MSI2: variants seen among roughly 807,000 people sequenced by gnomAD.
The protein encoded by MSI2 is musashi RNA binding protein 2.
MSI2 carries 17 observed loss-of-function variants against 45.6 expected under a neutral mutation model. That is an observed-to-expected ratio of 0.37 (90% CI 0.26 to 0.56). The LOEUF (loss-of-function observed/expected upper bound fraction) is 0.56. MSI2 is among the 20% of genes least tolerant of loss of function. The probability of loss-of-function intolerance (pLI) is 0.77; values close to 1 mark genes in which losing one functional copy is unlikely to be tolerated. For missense variants in MSI2, 293 were observed against 444.2 expected (o/e 0.66, Z 3.06); for synonymous variants, 156 against 158.2 (o/e 0.99, Z 0.11).
chr17:57,348,960 T>C (rs189384299), intron 5 of MSI2, among the ~76,000 whole-genome samples: 532 of 152,336 alleles, frequency 3.5e-3, no homozygotes, highest in African/African-American at 0.012. Context: ...TGTCCAAGCC[T>C]TTTATCTCAA....
At chr17:57,513,180 G>A (rs956371671) in intron 6 of MSI2, among the ~76,000 whole-genome samples, 2 of 152,038 alleles carry the variant, frequency 1.3e-5, no homozygotes, top group Admixed American at 1.3e-4. Context: ...CACCGTGTTG[G>A]TTAGGCTGGT....
At chr17:57,319,146 C>A (rs1348263347) in intron 5 of MSI2, among the ~76,000 whole-genome samples, 1 of 152,218 alleles carries the variant, frequency 6.6e-6, no homozygotes, top group Non-Finnish European at 1.5e-5. Context: ...CGGGCTGAGA[C>A]AATTGCTTAG....
At chr17:57,275,386 G>T (rs746688669) in intron 5 of MSI2, among the ~76,000 whole-genome samples, 9 of 152,204 alleles carry the variant, frequency 5.9e-5, no homozygotes, top group Non-Finnish European at 1.0e-4. Context: ...TTGGGATTGA[G>T]GGCAAGGGTT....
At chr17:57,687,843 A>G (rs578115997), downstream of MSI2, among the ~76,000 whole-genome samples, 4 of 152,242 alleles carry the variant, frequency 2.6e-5, no homozygotes, top group South Asian at 2.1e-4. Context: ...GAATTCTACA[A>G]TATATCAAGA....
At chr17:57,398,906 A>G (rs538718595) in intron 5 of MSI2, among the ~76,000 whole-genome samples, 2 of 151,316 alleles carry the variant, frequency 1.3e-5, no homozygotes, top group East Asian at 1.9e-4. Context: ...TAATCATTAT[A>G]TCTTCATTTT....
At chr17:57,325,292 G>A (rs562884859) in intron 5 of MSI2, among the ~76,000 whole-genome samples, 5 of 152,172 alleles carry the variant, frequency 3.3e-5, no homozygotes, top group Admixed American at 6.5e-5. Flanking sequence ...ATGGACATTA[G>A]ATGCTCAAAA....
At chr17:57,602,956 T>C (rs1906073557) in intron 8 of MSI2, among the ~76,000 whole-genome samples, 1 of 152,224 alleles carries the variant, frequency 6.6e-6, no homozygotes, top group African/African-American at 2.4e-5. Flanking sequence ...CAAGGGCCAC[T>C]GCTAATGACA....
chr17:57,320,128 T>C (rs1913206069), intron 5 of MSI2, among the ~76,000 whole-genome samples: 1 of 152,204 alleles, frequency 6.6e-6, no homozygotes, highest in African/African-American at 2.4e-5. Flanking sequence ...TTCTGGACAC[T>C]TGCTGCTGAA....
intron 5 of MSI2, chr17:57,285,949 T>C: frequency 6.5e-7 from 1 of 1,534,854 alleles, no homozygotes; most frequent in African/African-American, 1.4e-5. Flanking sequence ...AGTATCTTTT[T>C]ATTCAACATG....
intron 10 of MSI2, among the ~76,000 whole-genome samples, chr17:57,649,297 A>G (rs1320385973): frequency 1.3e-5 from 2 of 151,894 alleles, no homozygotes; most frequent in African/African-American, 4.8e-5. Flanking sequence ...CTCAACAAAC[A>G]CAACACACAC....
intron 6 of MSI2, among the ~76,000 whole-genome samples, chr17:57,451,272 A>T (rs1219574773): frequency 6.6e-6 from 1 of 151,988 alleles, no homozygotes; most frequent in African/African-American, 2.4e-5. Context: ...TTGTGTGACG[A>T]TGTGGGTGCG....
At chr17:57,614,050 TTTA>T (rs1355705283) in intron 8 of MSI2, among the ~76,000 whole-genome samples, 1 of 152,050 alleles carries the variant, frequency 6.6e-6, no homozygotes, top group Non-Finnish European at 1.5e-5. Context: ...TTTCGTTTTA[TTTA>T]TTTTTTTTAT....
Position 57,280,423 on chromosome 17 carries a change from G to A in MSI2, c.312+18231G>A. On this transcript the variant is annotated intron_variant, in intron 5 of 13. Transcript: ENST00000284073. The surrounding 1 kb of genome is among the most constrained non-coding windows in gnomAD (Gnocchi z 4.2). ...TGGCTGCTTAGCTGAGTTCTTGGAG[G>A]TAGTGATGGAGACCAGTGGATGGAT... Among the ~76,000 whole-genome samples, 1 of 152,224 alleles carries A rather than the reference G, an allele frequency of 6.6e-6. No homozygotes were observed. The highest frequency in any genetic ancestry group is 1.5e-5 in the Non-Finnish European group (1 of 68,044).
At chr17:57,547,591 G>A (rs1040599358) in intron 7 of MSI2, among the ~76,000 whole-genome samples, 1 of 152,086 alleles carries the variant, frequency 6.6e-6, no homozygotes, top group Non-Finnish European at 1.5e-5. Flanking sequence ...TAGGTTCTTG[G>A]GTTGAGCTCT....
chr17:57,356,166 T>C (rs1156862401), intron 5 of MSI2, among the ~76,000 whole-genome samples: 1 of 152,218 alleles, frequency 6.6e-6, no homozygotes, highest in South Asian at 2.1e-4. Flanking sequence ...TGAGCCACCG[T>C]GCCTGGCCAG....
intron 11 of MSI2, among the ~76,000 whole-genome samples, chr17:57,668,883 T>C (rs559854617): frequency 6.6e-6 from 1 of 152,330 alleles, no homozygotes; most frequent in East Asian, 1.9e-4. Flanking sequence ...TGATTGTCCC[T>C]GCATCTGGGT....
chr17:57,588,710 C>G (rs1904544210), intron 7 of MSI2, among the ~76,000 whole-genome samples: 1 of 152,222 alleles, frequency 6.6e-6, no homozygotes. Context: ...TGCCCTCTGT[C>G]TGCCGGATTG....
chr17:57,487,301 G>A (rs1347696972), intron 6 of MSI2, among the ~76,000 whole-genome samples: 1 of 152,216 alleles, frequency 6.6e-6, no homozygotes, highest in Non-Finnish European at 1.5e-5. Flanking sequence ...TGAGTGGCCT[G>A]TTCAGATTCT....
chr17:57,421,156 A>G (rs987007751), intron 6 of MSI2, among the ~76,000 whole-genome samples: 3 of 151,662 alleles, frequency 2.0e-5, no homozygotes, highest in Non-Finnish European at 4.4e-5. Flanking sequence ...ACTTTTTATG[A>G]TGTCGGTGGA....
Sources: gnomAD v4.1 joint callset for allele counts (sites outside exome capture counted in the v4.1 genomes callset) on GRCh38, gnomAD v4.1.1 for gene constraint, Gnocchi (gnomAD v3.1) non-coding constraint, MANE v1.5 for transcripts, NCBI Gene and HGNC (gene_info 2026-07-23, HGNC 2026-07-21) for gene names.